Variants in CLDN10 observed in about 807,000 individuals in gnomAD.
CLDN10 encodes claudin-10.
In CLDN10, 15 loss-of-function variants were observed where a neutral mutation model predicts 22.9. That is an observed-to-expected ratio of 0.65 (90% CI 0.44 to 1.01). The LOEUF is 1.01. Ranked by LOEUF, CLDN10 falls within the 50% of genes least tolerant of loss-of-function variation. The pLI is 0.00. For synonymous variants in CLDN10, 114 were observed against 111.4 expected, an observed-to-expected ratio of 1.02 and a Z score of -0.15; for missense variants, 247 against 287.8, an observed-to-expected ratio of 0.86 and a Z score of 1.03.
intron 1 of CLDN10, among the ~76,000 whole-genome samples, chr13:95,515,241 C>T (rs2138571481): frequency 6.6e-6 from 1 of 152,200 alleles, no homozygotes; most frequent in East Asian, 1.9e-4. Context: ...TTCTCTCACC[C>T]ACGATGGAAT....
chr13:95,510,337 T>C (rs572886430), intron 1 of CLDN10, among the ~76,000 whole-genome samples: 51 of 152,334 alleles, frequency 3.3e-4, no homozygotes, highest in African/African-American at 1.1e-3. Context: ...CTCACCTCCT[T>C]TGAGAAGCCT....
intron 1 of CLDN10, among the ~76,000 whole-genome samples, chr13:95,448,227 C>T (rs765633689): frequency 2.8e-4 from 42 of 152,224 alleles, no homozygotes; most frequent in Non-Finnish European, 5.7e-4. Context: ...AATACACACT[C>T]ACCATACAGT....
rs185984000 is a variant in CLDN10 at position 95,464,349 on chromosome 13, G to T, written c.214+30302G>T. 3.0e-3 allele frequency among the ~76,000 whole-genome samples: 453 copies of T among 152,208 alleles called. 2 individuals carry two copies. Among genetic ancestry groups the T allele is most frequent in the Middle Eastern group, 0.01 (3 of 294 alleles). On this transcript the variant is annotated intron_variant, in intron 1 of 4. Transcript: ENST00000376873. ...TCCCACCTATGAGTGAGAACATGCGGTGTTTGGTTTTTTGTCCTTGCGATA... is the reference window on the plus strand; with the variant it reads ...TCCCACCTATGAGTGAGAACATGCGTTGTTTGGTTTTTTGTCCTTGCGATA...
chr13:95,486,138 A>T (rs1319330886), intron 1 of CLDN10, among the ~76,000 whole-genome samples: 1 of 152,150 alleles, frequency 6.6e-6, no homozygotes, highest in Non-Finnish European at 1.5e-5. Context: ...TCAGCTCGCA[A>T]TGGATGCTAG....
rs141340357 is a variant in CLDN10 at position 95,577,912 on chromosome 13, C to T, written c.585C>T (p.Asn195=). ...TTTTACCTTTCAGATACACATACAA[C>T]GGGGCCACATCTGTCATGTCTTCTC... ...DNNKTPRYTY[N]GATSVMSSRT... The change falls in exon 5 of 5, where the codon AAC becomes AAT. Residue 195 remains asparagine, a synonymous_variant. Coordinates refer to ENST00000299339, the MANE Select transcript of CLDN10 (RefSeq NM_006984.5). The T allele has an allele frequency of 1.8e-4, 295 of 1,611,274 alleles. No homozygotes were observed. The highest frequency in any genetic ancestry group is 3.5e-4 in the Admixed American group (21 of 59,882).
At chr13:95,563,586 CCTT>C (rs1286682310) in intron 3 of CLDN10, among the ~76,000 whole-genome samples, 1 of 152,172 alleles carries the variant, frequency 6.6e-6, no homozygotes, top group African/African-American at 2.4e-5. Context: ...GACTTTCTCT[CCTT>C]CATCTCTGTT....
chr13:95,555,102 G>C (rs550283201), intron 1 of CLDN10, among the ~76,000 whole-genome samples: 1 of 139,978 alleles, frequency 7.1e-6, no homozygotes, highest in African/African-American at 2.6e-5. Context: ...CTAGGCTGGA[G>C]TGCAGTGGCA....
At chr13:95,543,970 A>C (rs1482459137) in intron 1 of CLDN10, among the ~76,000 whole-genome samples, 1 of 152,152 alleles carries the variant, frequency 6.6e-6, no homozygotes, top group Admixed American at 6.5e-5. Context: ...TTATACTCAA[A>C]AGAGCAAATA....
intron 1 of CLDN10, among the ~76,000 whole-genome samples, chr13:95,472,204 AGT>A (rs1251738006): frequency 1.3e-5 from 2 of 152,186 alleles, no homozygotes; most frequent in African/African-American, 4.8e-5. Context: ...CAGATATGGT[AGT>A]ACTAGGCCAT....
intron 1 of CLDN10, among the ~76,000 whole-genome samples, chr13:95,532,405 A>G (rs976195370): frequency 3.9e-5 from 6 of 152,228 alleles, no homozygotes; most frequent in African/African-American, 7.2e-5. Context: ...GCTCAGCATC[A>G]TGAAGTTATC....
intron 1 of CLDN10, among the ~76,000 whole-genome samples, chr13:95,519,126 C>G (rs2043199479): frequency 6.6e-6 from 1 of 152,160 alleles, no homozygotes; most frequent in Non-Finnish European, 1.5e-5. Context: ...AGTGTAGTGT[C>G]AGGCACATCA....
At chr13:95,512,583 A>G (rs1566310005) in intron 1 of CLDN10, among the ~76,000 whole-genome samples, 1 of 152,200 alleles carries the variant, frequency 6.6e-6, no homozygotes, top group Non-Finnish European at 1.5e-5. Flanking sequence ...TGTGCCACAC[A>G]GGATGCTGTC....
At chr13:95,565,009 CTA>C (rs1242102848) in intron 3 of CLDN10, among the ~76,000 whole-genome samples, 2 of 152,034 alleles carry the variant, frequency 1.3e-5, no homozygotes, top group Non-Finnish European at 2.9e-5. Flanking sequence ...CGAGCTATGA[CTA>C]TGTTTGATGA....
At chr13:95,519,617 A>G (rs2043204782) in intron 1 of CLDN10, among the ~76,000 whole-genome samples, 1 of 152,244 alleles carries the variant, frequency 6.6e-6, no homozygotes, top group South Asian at 2.1e-4. Context: ...ACAAGTAGTC[A>G]GTAAGTGGCA....
intron 3 of CLDN10, among the ~76,000 whole-genome samples, chr13:95,567,350 T>C (rs2043800003): frequency 6.6e-6 from 1 of 152,210 alleles, no homozygotes; most frequent in African/African-American, 2.4e-5. Context: ...CCTTGTAAGT[T>C]GGATTCCTAG....
chr13:95,521,201 C>G (rs2043221117), intron 1 of CLDN10, among the ~76,000 whole-genome samples: 1 of 152,116 alleles, frequency 6.6e-6, no homozygotes, highest in Non-Finnish European at 1.5e-5. Context: ...ACAACACTGG[C>G]TAGGCCACAG....
intron 1 of CLDN10, among the ~76,000 whole-genome samples, chr13:95,543,439 T>C (rs74941762): frequency 6.6e-6 from 1 of 152,104 alleles, no homozygotes; most frequent in Admixed American, 6.5e-5. Flanking sequence ...TAATTGGCTG[T>C]TAGGAAAAAG....
chr13:95,484,774 A>T (rs2138502931), intron 1 of CLDN10, among the ~76,000 whole-genome samples: 1 of 150,926 alleles, frequency 6.6e-6, no homozygotes. Context: ...GCTGAGGCAC[A>T]AGAATCGCTT....
chr13:95,450,156 T>C (rs1035090999), intron 1 of CLDN10, among the ~76,000 whole-genome samples: 3 of 152,210 alleles, frequency 2.0e-5, no homozygotes, highest in African/African-American at 7.2e-5. Flanking sequence ...ATTACAGGCA[T>C]GAGCTACTGC....
Sources: gnomAD v4.1 joint callset for allele counts (sites outside exome capture counted in the v4.1 genomes callset) on GRCh38, gnomAD v4.1.1 for gene constraint, MANE v1.5 for transcripts, NCBI Gene and HGNC (gene_info 2026-07-23, HGNC 2026-07-21) for gene names.